The following ARHGEF3 variants were observed in gnomAD, a reference collection of about 807,000 sequenced individuals.
ARHGEF3 encodes the protein Rho guanine nucleotide exchange factor 3.
Under a neutral mutation model 63.2 loss-of-function variants are expected in ARHGEF3, and 28 were observed. That is an observed-to-expected ratio of 0.44 (90% confidence interval 0.33 to 0.61). ARHGEF3 has a LOEUF of 0.61. Among genes scored for constraint, ARHGEF3 ranks in the 20% least tolerant of loss-of-function variants. The pLI is 0.03. For missense variants in ARHGEF3, 533 were observed against 659.3 expected, an observed-to-expected ratio of 0.81 and a Z score of 2.10; for synonymous variants, 266 against 254.2, an observed-to-expected ratio of 1.05 and a Z score of -0.44.
Position 56,755,156 on chromosome 3 carries a change from A to T in ARHGEF3, c.205-5T>A. 1 of 1,612,518 alleles carries T rather than the reference A, an allele frequency of 6.2e-7. No homozygotes were observed. Among genetic ancestry groups the T allele is most frequent in the African/African-American group, 1.3e-5 (1 of 75,018 alleles). On this transcript the variant is annotated splice_region_variant and splice_polypyrimidine_tract_variant and intron_variant, in intron 2 of 9. Transcript: ENST00000296315. ...ACTGCGGAAGCTAATGGAGCGCTAAACAATGAGAAAAACAAACCATCACGG... is the reference window on the plus strand; with the variant it reads ...ACTGCGGAAGCTAATGGAGCGCTAATCAATGAGAAAAACAAACCATCACGG...
chr3:57,019,755 C>T (rs1037149191), intron 2 of ARHGEF3, among the ~76,000 whole-genome samples: 9 of 152,114 alleles, frequency 5.9e-5, no homozygotes, highest in African/African-American at 2.2e-4. Flanking sequence ...GAAAAGGGAA[C>T]AATAAGGAAT....
upstream of ARHGEF3, among the ~76,000 whole-genome samples, chr3:56,805,652 C>T (rs1034769405): frequency 1.3e-5 from 2 of 152,162 alleles, no homozygotes; most frequent in African/African-American, 4.8e-5. Flanking sequence ...CATTTCTTTG[C>T]TTTCCTTAAA....
intron 3 of ARHGEF3, among the ~76,000 whole-genome samples, chr3:56,889,323 G>A (rs111546403): frequency 9.3e-4 from 141 of 152,250 alleles, no homozygotes; most frequent in Middle Eastern, 3.4e-3. Context: ...AGAGCTGGCC[G>A]TGGTCCAAGC....
chr3:56,971,649 A>G (rs890033321), intron 2 of ARHGEF3, among the ~76,000 whole-genome samples: 5 of 151,528 alleles, frequency 3.3e-5, no homozygotes, highest in African/African-American at 9.8e-5. Flanking sequence ...CAGGAGATCG[A>G]GACCATCCTG....
intron 2 of ARHGEF3, among the ~76,000 whole-genome samples, chr3:56,758,827 T>C (rs975181984): frequency 2.6e-5 from 4 of 152,182 alleles, no homozygotes; most frequent in Admixed American, 1.3e-4. Flanking sequence ...ATTAAGTAAC[T>C]TGCTCAACCC....
chr3:56,919,229 C>T (rs2042063225), intron 3 of ARHGEF3, among the ~76,000 whole-genome samples: 1 of 152,198 alleles, frequency 6.6e-6, no homozygotes, highest in South Asian at 2.1e-4. Flanking sequence ...TTTGTAAATG[C>T]TGGCAACTAT....
intron 6 of ARHGEF3, among the ~76,000 whole-genome samples, chr3:56,746,596 G>A (rs1050289003): frequency 2.0e-5 from 3 of 152,012 alleles, no homozygotes; most frequent in Non-Finnish European, 4.4e-5. Flanking sequence ...CAGGCATGGT[G>A]GCACACACCT....
intron 2 of ARHGEF3, among the ~76,000 whole-genome samples, chr3:57,010,225 C>T (rs574268273): frequency 1.1e-3 from 173 of 152,204 alleles, no homozygotes; most frequent in African/African-American, 3.4e-3. Flanking sequence ...GAGGCCAAGG[C>T]GGGCAGATCA....
chr3:57,001,727 C>G (rs2107024718), intron 2 of ARHGEF3, among the ~76,000 whole-genome samples: 1 of 152,172 alleles, frequency 6.6e-6, no homozygotes, highest in African/African-American at 2.4e-5. Flanking sequence ...AAAGCCTCAC[C>G]AAGGGGATGG....
At chr3:56,796,770 C>T (rs1455073112) in intron 1 of ARHGEF3, among the ~76,000 whole-genome samples, 1 of 152,184 alleles carries the variant, frequency 6.6e-6, no homozygotes, top group Non-Finnish European at 1.5e-5. Context: ...ATTTTAGTCT[C>T]ATCTCCTTGA....
intron 3 of ARHGEF3, among the ~76,000 whole-genome samples, chr3:56,884,534 A>G (rs2040861552): frequency 6.6e-6 from 1 of 152,206 alleles, no homozygotes; most frequent in East Asian, 1.9e-4. Context: ...CTGAGGAATG[A>G]TTCAGAGATG....
At chr3:56,752,816 T>C (rs1266505481) in intron 4 of ARHGEF3, among the ~76,000 whole-genome samples, 33 of 152,174 alleles carry the variant, frequency 2.2e-4, no homozygotes, top group Admixed American at 2.1e-3. Flanking sequence ...TGGCCATCTC[T>C]CAGGAATGCT....
chr3:57,004,733 A>G (rs1702403734), intron 2 of ARHGEF3, among the ~76,000 whole-genome samples: 1 of 152,226 alleles, frequency 6.6e-6, no homozygotes, highest in African/African-American at 2.4e-5. Flanking sequence ...TGGAAGGCTG[A>G]GGCGGGAGGA....
rs183706462 is a variant in ARHGEF3 at position 56,827,220 on chromosome 3, G to A, written c.193-53404C>T. ...AACTGGGAAAATATAGTTACAACTC[G>A]TATCCATTTCAGCACCAATCTCTGT... is the stretch of plus-strand genomic sequence containing the variant. On this transcript the variant is annotated intron_variant, in intron 4 of 12. Coordinates refer to the ARHGEF3 transcript ENST00000338458. Among the ~76,000 whole-genome samples the A allele has an allele frequency of 3.1e-3, 476 of 152,260 alleles. 1 individual carries two copies. The highest frequency in any genetic ancestry group is 9.9e-3 in the African/African-American group (411 of 41,540).
intron 2 of ARHGEF3, among the ~76,000 whole-genome samples, chr3:56,964,527 G>A (rs6791532): frequency 0.93 from 141,273 of 152,100 alleles, 66,547 homozygotes; most frequent in East Asian, 1. Flanking sequence ...CCACTAATTT[G>A]TTCACCAATA....
At chr3:56,938,896 G>C (rs1304204525) in intron 3 of ARHGEF3, 2 of 152,214 alleles carry the variant, frequency 1.3e-5, no homozygotes, top group Non-Finnish European at 2.9e-5. Context: ...CAGAGAGATA[G>C]GACATTTGGA....
chr3:56,791,253 T>C (rs796540416), intron 1 of ARHGEF3, among the ~76,000 whole-genome samples: 10 of 151,796 alleles, frequency 6.6e-5, no homozygotes, highest in African/African-American at 2.4e-4. Context: ...AATAAAACAA[T>C]TGAAAGAAAA....
intron 3 of ARHGEF3, among the ~76,000 whole-genome samples, chr3:56,902,541 G>C (rs913747444): frequency 2.6e-5 from 4 of 152,156 alleles, no homozygotes; most frequent in Non-Finnish European, 5.9e-5. Flanking sequence ...GATACTTCAG[G>C]CAGGACTAGC....
chr3:56,975,204 G>T (rs973979022), intron 2 of ARHGEF3, among the ~76,000 whole-genome samples: 1 of 152,112 alleles, frequency 6.6e-6, no homozygotes, highest in African/African-American at 2.4e-5. Flanking sequence ...GATCATTTGA[G>T]GTCAGGAGTA....
Sources: allele counts gnomAD v4.1 joint callset (sites outside exome capture counted in the v4.1 genomes callset), GRCh38; gene constraint gnomAD v4.1.1; transcripts MANE v1.5; gene names NCBI Gene and HGNC (gene_info 2026-07-23, HGNC 2026-07-21).